WARS2: variants seen among roughly 807,000 people sequenced by gnomAD.
WARS2 encodes tryptophanyl tRNA synthetase 2, mitochondrial.
WARS2 carries 28 observed loss-of-function variants against 36.5 expected under a neutral mutation model. That is an observed-to-expected ratio of 0.77 (90% CI 0.57 to 1.05). The LOEUF (loss-of-function observed/expected upper bound fraction) is 1.05. Ranked by LOEUF, WARS2 falls within the 50% of genes least tolerant of loss-of-function variation. The pLI, the probability that WARS2 is intolerant of heterozygous loss-of-function variation, is 0.00. For missense variants in WARS2, 435 were observed against 456.8 expected (o/e 0.95, Z 0.44); for synonymous variants, 174 against 178.4 (o/e 0.98, Z 0.20).
At chr1:119,096,308 T>A (rs1023798441) in intron 1 of WARS2, among the ~76,000 whole-genome samples, 3 of 152,212 alleles carry the variant, frequency 2.0e-5, no homozygotes, top group Non-Finnish European at 2.9e-5. Context: ...ATTCTTGTAG[T>A]AATCAATTGT....
intron 2 of WARS2, among the ~76,000 whole-genome samples, chr1:119,055,225 T>C (rs1176098228): frequency 1.3e-5 from 2 of 152,188 alleles, no homozygotes; most frequent in Admixed American, 1.3e-4. Context: ...TCAGATATGC[T>C]GAACTTGAGA....
intron 1 of WARS2, among the ~76,000 whole-genome samples, chr1:119,077,647 T>C (rs1651852834): frequency 6.6e-6 from 1 of 152,150 alleles, no homozygotes; most frequent in Non-Finnish European, 1.5e-5. Flanking sequence ...AAAGGAAATT[T>C]TAATTCTACA....
intron 1 of WARS2, among the ~76,000 whole-genome samples, chr1:119,097,356 C>G (rs1022474280): frequency 1.9e-4 from 29 of 152,286 alleles, no homozygotes; most frequent in Admixed American, 1.8e-3. Context: ...CCCACCCCAC[C>G]GGCACTACTG....
At chr1:119,070,001 G>A (rs1160476795) in intron 2 of WARS2, among the ~76,000 whole-genome samples, 4 of 152,086 alleles carry the variant, frequency 2.6e-5, no homozygotes, top group East Asian at 1.9e-4. Flanking sequence ...GGTGCTTTAG[G>A]GGAAAACCGT....
intron 1 of WARS2, among the ~76,000 whole-genome samples, chr1:119,115,985 C>G (rs1422688311): frequency 6.6e-6 from 1 of 152,146 alleles, no homozygotes; most frequent in East Asian, 1.9e-4. Flanking sequence ...TCACTAAAGG[C>G]TGATTTCAGA....
intron 1 of WARS2, among the ~76,000 whole-genome samples, chr1:119,098,804 T>G (rs983585745): frequency 3.3e-5 from 5 of 151,746 alleles, no homozygotes; most frequent in Non-Finnish European, 7.4e-5. Flanking sequence ...TGGCGTGATC[T>G]CAGCTCACTG....
At chr1:119,033,460 ATT>A (rs879810732) in intron 5 of WARS2, 101 bp from the exon 6 acceptor site, 251 of 1,470,368 alleles carry the variant, frequency 1.7e-4, no homozygotes, top group Non-Finnish European at 2.0e-4. Flanking sequence ...AATGGTTTGA[ATT>A]ATGATTTTTC....
chr1:119,140,319 G>C (rs587668922), intron 1 of WARS2: 4 of 378,636 alleles, frequency 1.1e-5, no homozygotes, highest in Admixed American at 9.0e-5. Context: ...TGGAGGTGGC[G>C]GCAAGAGGTC....
At chr1:119,041,759 T>G (rs566595467) in intron 4 of WARS2, among the ~76,000 whole-genome samples, 2 of 152,138 alleles carry the variant, frequency 1.3e-5, no homozygotes, top group Non-Finnish European at 1.5e-5. Flanking sequence ...TGTAAAATGC[T>G]TGAAGTTTAA....
intron 1 of WARS2, among the ~76,000 whole-genome samples, chr1:119,113,043 A>T (rs587684619): frequency 6.6e-6 from 1 of 152,356 alleles, no homozygotes; most frequent in South Asian, 2.1e-4. Context: ...AACATAGTTG[A>T]CTAAGTGAGT....
At position 119,135,715 on chromosome 1, in the gene WARS2, CAGATAGATAGATAGATAGAT is replaced by C. The variant is rs113027169; in HGVS notation, c.90+4820_90+4839del. 2.7e-5 allele frequency among the ~76,000 whole-genome samples: 4 copies of C among 147,078 alleles called. No homozygotes were observed. In the South Asian group the frequency reaches 8.7e-4, roughly 32 times the overall value. The stretch of plus-strand genomic sequence containing the variant: ...TATAGAGATAGATAGATTAGATAGA[CAGATAGATAGATAGATAGAT>C]AGATAGATAGATAGATAGAGAGATA... On this transcript the variant is annotated intron_variant, in intron 1 of 5. Coordinates refer to ENST00000235521, the MANE Select transcript of WARS2 (RefSeq NM_015836.4).
At chr1:119,112,683 G>C (rs955122560) in intron 1 of WARS2, among the ~76,000 whole-genome samples, 2 of 152,162 alleles carry the variant, frequency 1.3e-5, no homozygotes, top group African/African-American at 2.4e-5. Flanking sequence ...AGTAAGGAGA[G>C]TTTCAGAAGT....
chr1:119,114,034 T>C (rs1654813449), intron 1 of WARS2, among the ~76,000 whole-genome samples: 1 of 152,214 alleles, frequency 6.6e-6, no homozygotes, highest in East Asian at 1.9e-4. Context: ...CTTTTCTTTA[T>C]ATACCTTACT....
At chr1:119,133,247 T>C (rs921195068) in intron 1 of WARS2, among the ~76,000 whole-genome samples, 8 of 152,350 alleles carry the variant, frequency 5.3e-5, no homozygotes, top group African/African-American at 4.8e-5. Context: ...TTCTTCCTCA[T>C]AATTCATTGA....
In WARS2 at chr1:119,062,306, C is replaced by T. The variant is rs1294238680; in HGVS notation, c.348+14044G>A. Among the ~76,000 whole-genome samples, 4 of 152,050 alleles carry T rather than the reference C, an allele frequency of 2.6e-5. 1 individual carries two copies. In the South Asian group the frequency reaches 6.2e-4, roughly 24 times the overall value. ...CTATGCCTTTTTAAGTAGACTAGTACCAAACATAACCTGTGGTGGTCTCAT... is the reference window on the plus strand; with the variant it reads ...CTATGCCTTTTTAAGTAGACTAGTATCAAACATAACCTGTGGTGGTCTCAT... On this transcript the variant is annotated intron_variant, in intron 2 of 5. Coordinates refer to ENST00000235521, the MANE Select transcript of WARS2 (RefSeq NM_015836.4).
At chr1:119,098,604 AT>A (rs1653632298) in intron 1 of WARS2, among the ~76,000 whole-genome samples, 1 of 151,562 alleles carries the variant, frequency 6.6e-6, no homozygotes, top group African/African-American at 2.4e-5. Context: ...CGCGCAGCTA[AT>A]TTTTGTTATT....
chr1:119,118,346 C>T (rs1446632170), intron 1 of WARS2, among the ~76,000 whole-genome samples: 1 of 151,672 alleles, frequency 6.6e-6, no homozygotes, highest in Non-Finnish European at 1.5e-5. Context: ...AGCTCAAAGA[C>T]AAAACTTTTG....
rs533101684 is a variant in WARS2 at position 119,056,308 on chromosome 1, A to C, written c.349-10646T>G. Among the ~76,000 whole-genome samples the C allele has an allele frequency of 1.5e-3, 222 of 149,180 alleles. 1 individual carries two copies. Among genetic ancestry groups the C allele is most frequent in the Non-Finnish European group, 2.9e-3 (193 of 67,668 alleles). ...TGCCATGGCCTCCCAAAGTGCTGGG[A>C]TTACAGGCATGAGCCATCACGCCTG... On this transcript the variant is annotated intron_variant, in intron 2 of 5. Coordinates refer to ENST00000235521, the MANE Select transcript of WARS2 (RefSeq NM_015836.4).
chr1:119,045,797 G>T (rs890107903), intron 2 of WARS2, 135 bp from the exon 3 acceptor site: 9 of 678,342 alleles, frequency 1.3e-5, no homozygotes, highest in Admixed American at 4.8e-5. Context: ...GGTGAAGGGG[G>T]CTTAGTTCTG....
Sources: allele counts gnomAD v4.1 joint callset (sites outside exome capture counted in the v4.1 genomes callset), GRCh38; gene constraint gnomAD v4.1.1; transcripts MANE v1.5; gene names NCBI Gene and HGNC (gene_info 2026-07-23, HGNC 2026-07-21).